Variants in SLC25A12 observed in about 807,000 individuals in gnomAD.
SLC25A12 encodes solute carrier family 25 member 12, also known as electrogenic aspartate/glutamate antiporter SLC25A12, mitochondrial.
SLC25A12 carries 32 observed loss-of-function variants against 83.3 expected under a neutral mutation model. The ratio of observed to expected loss-of-function variants is 0.38; its 90% CI spans 0.29 to 0.52. The LOEUF is 0.52. Ranked by LOEUF, SLC25A12 falls within the 20% of genes least tolerant of loss-of-function variation. SLC25A12 has a pLI of 0.84. For synonymous variants in SLC25A12, 267 were observed against 291.1 expected, an observed-to-expected ratio of 0.92 and a Z score of 0.84; for missense variants, 611 against 835.6, an observed-to-expected ratio of 0.73 and a Z score of 3.31.
intron 3 of SLC25A12, among the ~76,000 whole-genome samples, chr2:171,860,518 C>T (rs1311865215): frequency 6.6e-6 from 1 of 152,068 alleles, no homozygotes; most frequent in Admixed American, 6.6e-5. Context: ...ATGAGAATTG[C>T]TTGAACCCGC....
intron 15 of SLC25A12, among the ~76,000 whole-genome samples, chr2:171,789,458 G>GT (rs1558906083): frequency 6.6e-6 from 1 of 152,082 alleles, no homozygotes; most frequent in Non-Finnish European, 1.5e-5. Flanking sequence ...TCGATCTCCT[G>GT]ACCTCGTGAT....
At chr2:171,820,019 TAA>T (rs1684150239) in intron 9 of SLC25A12, among the ~76,000 whole-genome samples, 1 of 152,114 alleles carries the variant, frequency 6.6e-6, no homozygotes, top group African/African-American at 2.4e-5. Flanking sequence ...AGCTAAGTGA[TAA>T]GAGCTTATTA....
chr2:171,800,055 T>G (rs1683677825), intron 13 of SLC25A12, among the ~76,000 whole-genome samples: 1 of 152,236 alleles, frequency 6.6e-6, no homozygotes, highest in Non-Finnish European at 1.5e-5. Flanking sequence ...GATTTTTTAA[T>G]ATTCTGCTTT....
In SLC25A12 at chr2:171,785,187, C is replaced by G; in HGVS notation, c.*87G>C. 2 of 1,196,296 alleles carry G rather than the reference C, an allele frequency of 1.7e-6. No individual in the cohort carries two copies. The highest frequency in any genetic ancestry group is 2.5e-5 in the South Asian group (2 of 80,498). 74.1% of individuals were successfully genotyped at this position (1,196,296 alleles called of 1,614,324 possible). A position where few individuals can be genotyped will look rare whatever the true frequency, so the allele number is the denominator to read the frequency against. On this transcript the variant is annotated 3_prime_UTR_variant, in exon 18 of 18. Transcript: ENST00000422440. Reference sequence around the variant, plus strand: ...TTTGACTCCTCAGCTCAGTCAGTACCATGCAGCTGACTGGATACATTACAG... The same window carrying G: ...TTTGACTCCTCAGCTCAGTCAGTACGATGCAGCTGACTGGATACATTACAG...
At chr2:171,880,700 G>C (rs763672062) in intron 2 of SLC25A12, among the ~76,000 whole-genome samples, 46 of 152,036 alleles carry the variant, frequency 3.0e-4, no homozygotes, top group Non-Finnish European at 1.9e-4. Context: ...TTTCCACCCT[G>C]TTCCCCTCCT....
At chr2:171,892,287 A>G (rs1448629353) in intron 2 of SLC25A12, among the ~76,000 whole-genome samples, 1 of 149,796 alleles carries the variant, frequency 6.7e-6, no homozygotes, top group Non-Finnish European at 1.5e-5. Context: ...GTGCAGTGGC[A>G]CGATCTCGAC....
chr2:171,881,010 T>C lies in SLC25A12; in HGVS notation c.67-12187A>G, dbSNP rs551406881. Among the ~76,000 whole-genome samples the C allele has an allele frequency of 9.2e-5, 14 of 152,374 alleles. No homozygotes were observed. The East Asian group carries it at 2.3e-3, about 25-fold the overall frequency. On this transcript the variant is annotated intron_variant, in intron 2 of 17. Transcript: ENST00000422440. ...GGGAATACTAATCGTTCCTACCTTATAGAGTTGTTCTGAGGATTAAATATG... is the reference window on the plus strand; with the variant it reads ...GGGAATACTAATCGTTCCTACCTTACAGAGTTGTTCTGAGGATTAAATATG...
intron 9 of SLC25A12, among the ~76,000 whole-genome samples, chr2:171,822,131 T>C (rs954923091): frequency 2.6e-5 from 4 of 152,216 alleles, no homozygotes; most frequent in African/African-American, 9.6e-5. Context: ...GATATATTAA[T>C]ACTTTTTCCT....
chr2:171,887,861 G>C (rs1312675830), intron 2 of SLC25A12, among the ~76,000 whole-genome samples: 1 of 152,144 alleles, frequency 6.6e-6, no homozygotes, highest in African/African-American at 2.4e-5. Context: ...GAAAAAGGCA[G>C]AATCTTAGTG....
At chr2:171,852,486 T>C (rs1684954517) in intron 4 of SLC25A12, among the ~76,000 whole-genome samples, 1 of 152,238 alleles carries the variant, frequency 6.6e-6, no homozygotes, top group Non-Finnish European at 1.5e-5. Context: ...GTCTTCCAAC[T>C]TTCTCTCATG....
At chr2:171,797,209 T>G (rs534077159) in intron 13 of SLC25A12, among the ~76,000 whole-genome samples, 1 of 152,330 alleles carries the variant, frequency 6.6e-6, no homozygotes, top group South Asian at 2.1e-4. Flanking sequence ...TCTACAAATA[T>G]GCTAATGTTT....
intron 13 of SLC25A12, among the ~76,000 whole-genome samples, chr2:171,797,032 C>T (rs1683611888): frequency 6.6e-6 from 1 of 152,078 alleles, no homozygotes; most frequent in Non-Finnish European, 1.5e-5. Flanking sequence ...CTCTGCGAAA[C>T]AAATACAGAG....
chr2:171,852,840 CTTTCT>C (rs1490731222), intron 4 of SLC25A12, among the ~76,000 whole-genome samples: 1 of 152,106 alleles, frequency 6.6e-6, no homozygotes, highest in Non-Finnish European at 1.5e-5. Flanking sequence ...TGAAAGGAAA[CTTTCT>C]TTTATCATTT....
At chr2:171,846,477 G>GC (rs1267035783) in intron 4 of SLC25A12, among the ~76,000 whole-genome samples, 1 of 151,984 alleles carries the variant, frequency 6.6e-6, no homozygotes, top group Non-Finnish European at 1.5e-5. Context: ...AGTCCAAAAT[G>GC]CAAAAGCGTT....
At chr2:171,797,347 A>G (rs1683619684) in intron 13 of SLC25A12, among the ~76,000 whole-genome samples, 1 of 152,208 alleles carries the variant, frequency 6.6e-6, no homozygotes, top group Non-Finnish European at 1.5e-5. Context: ...CCAAATGACA[A>G]AAACAGAACA....
At chr2:171,873,441 C>T (rs1218101295) in intron 2 of SLC25A12, among the ~76,000 whole-genome samples, 2 of 151,988 alleles carry the variant, frequency 1.3e-5, no homozygotes, top group African/African-American at 4.8e-5. Flanking sequence ...GAGCAAGACT[C>T]CATCTCAAAA....
intron 4 of SLC25A12, among the ~76,000 whole-genome samples, chr2:171,854,246 C>G (rs1684997743): frequency 6.6e-6 from 1 of 152,246 alleles, no homozygotes; most frequent in South Asian, 2.1e-4. Context: ...GAGGAGGATG[C>G]CAAGATTTAT....
intron 9 of SLC25A12, among the ~76,000 whole-genome samples, chr2:171,815,804 G>T (rs764936191): frequency 6.6e-6 from 1 of 152,066 alleles, no homozygotes; most frequent in Non-Finnish European, 1.5e-5. Flanking sequence ...CTATACTAGT[G>T]TGTCAGTCTT....
chr2:171,812,102 C>A (rs76711056), intron 11 of SLC25A12, among the ~76,000 whole-genome samples: 126 of 152,288 alleles, frequency 8.3e-4, no homozygotes, highest in African/African-American at 2.9e-3. Flanking sequence ...GACTACAGTT[C>A]TGAATATTTG....
Sources: allele counts gnomAD v4.1 joint callset (sites outside exome capture counted in the v4.1 genomes callset), GRCh38; gene constraint gnomAD v4.1.1; transcripts MANE v1.5; gene names NCBI Gene and HGNC (gene_info 2026-07-23, HGNC 2026-07-21).